TSHZ3: variants seen among roughly 807,000 people sequenced by gnomAD.
TSHZ3 encodes the protein teashirt zinc finger homeobox 3.
A neutral mutation model predicts 64.5 loss-of-function variants in TSHZ3; 10 were observed. The observed-to-expected ratio is 0.16, with a 90% CI of 0.10 to 0.26. The LOEUF (loss-of-function observed/expected upper bound fraction) is 0.26. TSHZ3 is among the 10% of genes least tolerant of loss of function. The pLI, the probability that TSHZ3 is intolerant of heterozygous loss-of-function variation, is 1.00. For synonymous variants in TSHZ3, 608 were observed against 593.1 expected, an observed-to-expected ratio of 1.03 and a Z score of -0.36; for missense variants, 1,242 against 1,421.7, an observed-to-expected ratio of 0.87 and a Z score of 2.03.
chr19:31,289,367 G>C (rs1365354587), intron 1 of TSHZ3, among the ~76,000 whole-genome samples: 1 of 152,274 alleles, frequency 6.6e-6, no homozygotes, highest in Admixed American at 6.5e-5. Context: ...CCTCACTCTG[G>C]GCAGCCTTAA....
chr19:31,258,626 C>T (rs1975945054), intron 1 of TSHZ3, among the ~76,000 whole-genome samples: 1 of 152,332 alleles, frequency 6.6e-6, no homozygotes, highest in South Asian at 2.1e-4. Flanking sequence ...TTCGGTCATA[C>T]TGTTTTATCT....
intron 1 of TSHZ3, among the ~76,000 whole-genome samples, chr19:31,302,881 C>T (rs1210116017): frequency 2.6e-5 from 4 of 151,928 alleles, no homozygotes; most frequent in Non-Finnish European, 5.9e-5. Flanking sequence ...TTCAGCATGG[C>T]CCATTGCTTG....
At chr19:31,269,550 A>AT (rs1976105229) in intron 1 of TSHZ3, among the ~76,000 whole-genome samples, 1 of 152,020 alleles carries the variant, frequency 6.6e-6, no homozygotes, top group Non-Finnish European at 1.5e-5. Flanking sequence ...GAAAAAAAAA[A>AT]GCAGCCACAC....
At chr19:31,220,880 T>A (rs557234662) in intron 4 of TSHZ3, among the ~76,000 whole-genome samples, 1 of 152,264 alleles carries the variant, frequency 6.6e-6, no homozygotes, top group Admixed American at 6.5e-5. Context: ...AGGATTGAAA[T>A]TTCAATGAAG....
chr19:31,350,331 G>T (rs2021681028), upstream of TSHZ3, among the ~76,000 whole-genome samples: 2 of 150,030 alleles, frequency 1.3e-5, no homozygotes, highest in African/African-American at 4.9e-5. Context: ...AACTTTCCTG[G>T]GCCCGTCCCG....
chr19:31,175,032 G>A (rs1974588269), intron 5 of TSHZ3, among the ~76,000 whole-genome samples: 1 of 152,192 alleles, frequency 6.6e-6, no homozygotes, highest in African/African-American at 2.4e-5. Context: ...GTCCCAGGCT[G>A]GGCTTTCCTG....
In TSHZ3 at chr19:31,278,230, A is replaced by G. The variant is rs1599620496; in HGVS notation, c.1563T>C (p.Asp521=). Residue 521 remains aspartate, a synonymous_variant, in exon 2 of 2, where the codon GAT becomes GAC. Transcript: ENST00000240587. The surrounding 1 kb of genome is among the most constrained non-coding windows in gnomAD (Gnocchi z 4.7). The part of the protein sequence containing the change: ...DLEESPKGGL[D]ILKSLENTVT... ...CTGTGTTTTCCAAGGATTTGAGGATATCAAGCCCCCCCTTGGGACTCTCTT... is the reference window on the plus strand; with the variant it reads ...CTGTGTTTTCCAAGGATTTGAGGATGTCAAGCCCCCCCTTGGGACTCTCTT... The G allele has an allele frequency of 1.2e-6, 2 of 1,614,170 alleles. No homozygotes were observed. The highest frequency in any genetic ancestry group is 3.3e-4 in the Middle Eastern group (2 of 6,062).
chr19:31,328,779 A>G (rs1199091888), intron 1 of TSHZ3, among the ~76,000 whole-genome samples: 1 of 152,208 alleles, frequency 6.6e-6, no homozygotes, highest in Non-Finnish European at 1.5e-5. Flanking sequence ...TAATTACAAT[A>G]CCGTATACAT....
intron 4 of TSHZ3, among the ~76,000 whole-genome samples, chr19:31,226,937 C>CTTTTTCT (rs1322145030): frequency 1.5e-5 from 2 of 133,566 alleles, no homozygotes; most frequent in Middle Eastern, 3.8e-3. Flanking sequence ...CTTGCAGATA[C>CTTTTTCT]TTTTTCTTTT....
At chr19:31,205,440 T>A (rs1975153151) in intron 4 of TSHZ3, among the ~76,000 whole-genome samples, 1 of 152,216 alleles carries the variant, frequency 6.6e-6, no homozygotes, top group African/African-American at 2.4e-5. Context: ...TTGATCCACT[T>A]CTTTCTCCTG....
rs778179502 is a variant in TSHZ3 at position 31,278,157 on chromosome 19, C to T, written c.1636G>A (p.Gly546Ser). ...KAQNGTPSWG[G>S]YPSIHAAYQL... ...TAGGCGGCATGGATGCTGGGATAGCCCCCCCAGCTAGGAGTGCCGTTCTGG... is the reference window on the plus strand; with the variant it reads ...TAGGCGGCATGGATGCTGGGATAGCTCCCCCAGCTAGGAGTGCCGTTCTGG... The change falls in exon 2 of 2, where the codon GGC becomes AGC. Residue 546 changes from glycine (G) to serine (S), a missense_variant. By Grantham distance (56) the Gly-to-Ser change is moderately conservative. Coordinates refer to ENST00000240587, the MANE Select transcript of TSHZ3 (RefSeq NM_020856.4). The surrounding 1 kb of genome is among the most constrained non-coding windows in gnomAD (Gnocchi z 4.7). The T allele has an allele frequency of 2.5e-6, 4 of 1,613,986 alleles. No individual in the cohort carries two copies. Among genetic ancestry groups the T allele is most frequent in the South Asian group, 1.1e-5 (1 of 91,080 alleles).
At chr19:31,183,420 G>A (rs1287178848) in intron 5 of TSHZ3, among the ~76,000 whole-genome samples, 2 of 152,144 alleles carry the variant, frequency 1.3e-5, no homozygotes, top group Non-Finnish European at 2.9e-5. Context: ...TCTGAGGCTC[G>A]TCTTGCTCTG....
At chr19:31,163,806 C>G (rs1366035954) in intron 5 of TSHZ3, among the ~76,000 whole-genome samples, 5 of 152,174 alleles carry the variant, frequency 3.3e-5, no homozygotes, top group Non-Finnish European at 7.3e-5. Context: ...CTGGGGCACA[C>G]AGCTCAGAGA....
At chr19:31,339,904 T>TAA (rs35723828) in intron 1 of TSHZ3, among the ~76,000 whole-genome samples, 100 of 145,126 alleles carry the variant, frequency 6.9e-4, no homozygotes, top group African/African-American at 1.7e-3. Flanking sequence ...AAATTGACTT[T>TAA]AAAAAAAAAA....
intron 4 of TSHZ3, among the ~76,000 whole-genome samples, chr19:31,208,304 T>C (rs1975213787): frequency 6.6e-6 from 1 of 152,192 alleles, no homozygotes; most frequent in Non-Finnish European, 1.5e-5. Context: ...TCTTTGGGCA[T>C]CCTGCTGGGA....
At chr19:31,249,540 A>AG (rs1024413032) in intron 1 of TSHZ3, among the ~76,000 whole-genome samples, 3 of 152,196 alleles carry the variant, frequency 2.0e-5, no homozygotes, top group African/African-American at 7.2e-5. Flanking sequence ...CACTCTCCAA[A>AG]GGGAAGCTTA....
chr19:31,247,587 G>A (rs1975773494), intron 1 of TSHZ3, among the ~76,000 whole-genome samples: 1 of 152,202 alleles, frequency 6.6e-6, no homozygotes, highest in Non-Finnish European at 1.5e-5. Flanking sequence ...GAGCACCGAA[G>A]GCAACTCACG....
chr19:31,205,871 A>G (rs529174776), intron 4 of TSHZ3, among the ~76,000 whole-genome samples: 16 of 152,362 alleles, frequency 1.1e-4, no homozygotes, highest in Admixed American at 7.2e-4. Context: ...AATAGTATTC[A>G]AATGGCTCTA....
chr19:31,171,586 T>A (rs1378178898), intron 5 of TSHZ3, among the ~76,000 whole-genome samples: 3 of 150,748 alleles, frequency 2.0e-5, no homozygotes, highest in Admixed American at 6.6e-5. Context: ...ACAGGGAGGG[T>A]GAATTTCTAT....
Sources: gnomAD v4.1 joint callset for allele counts (sites outside exome capture counted in the v4.1 genomes callset) on GRCh38, gnomAD v4.1.1 for gene constraint, Gnocchi (gnomAD v3.1) non-coding constraint, MANE v1.5 for transcripts, NCBI Gene and HGNC (gene_info 2026-07-23, HGNC 2026-07-21) for gene names.